Variants in RPS6KA2 observed in about 807,000 individuals in gnomAD.
RPS6KA2 encodes ribosomal protein S6 kinase A2, also known as ribosomal protein S6 kinase alpha-2.
A neutral mutation model predicts 91.8 loss-of-function variants in RPS6KA2; 42 were observed. The ratio of observed to expected loss-of-function variants is 0.46; its 90% CI spans 0.36 to 0.59. RPS6KA2 has a LOEUF of 0.59. RPS6KA2 is among the 20% of genes least tolerant of loss of function. The probability of loss-of-function intolerance (pLI) is 0.00; values close to 1 mark genes in which losing one functional copy is unlikely to be tolerated. For missense variants in RPS6KA2, 798 were observed against 978.5 expected, an observed-to-expected ratio of 0.82 and a Z score of 2.46; for synonymous variants, 414 against 393.6, an observed-to-expected ratio of 1.05 and a Z score of -0.61.
chr6:166,570,612 A>G (rs191199243), intron 1 of RPS6KA2, among the ~76,000 whole-genome samples: 189 of 152,356 alleles, frequency 1.2e-3, no homozygotes, highest in Non-Finnish European at 2.0e-3. Flanking sequence ...AAACTAAAAT[A>G]AATACAGCAG....
chr6:166,594,826 A>C (rs1485559250), intron 1 of RPS6KA2, among the ~76,000 whole-genome samples: 1 of 152,222 alleles, frequency 6.6e-6, no homozygotes, highest in Non-Finnish European at 1.5e-5. Flanking sequence ...TTCTGCTATA[A>C]GGTTCTCAGA....
At chr6:166,804,169 G>A (rs896067541) in intron 2 of RPS6KA2, among the ~76,000 whole-genome samples, 6 of 115,616 alleles carry the variant, frequency 5.2e-5, no homozygotes, top group Admixed American at 3.7e-4. Context: ...ATGTAAATTA[G>A]TAAAAAAAAA....
At chr6:166,524,144 C>T (rs1782948371) in intron 3 of RPS6KA2, among the ~76,000 whole-genome samples, 1 of 152,202 alleles carries the variant, frequency 6.6e-6, no homozygotes, top group Non-Finnish European at 1.5e-5. Context: ...ACTTGACTTG[C>T]TTCAACAGAG....
chr6:166,797,961 G>GA (rs780553039), intron 2 of RPS6KA2, among the ~76,000 whole-genome samples: 9 of 151,982 alleles, frequency 5.9e-5, no homozygotes, highest in African/African-American at 1.5e-4. Context: ...AGGCAAGAGT[G>GA]AAAAAAACCT....
chr6:166,504,490 G>A lies in RPS6KA2; in HGVS notation c.566+16C>T, dbSNP rs1782128427. On this transcript the variant is annotated intron_variant, in intron 6 of 20. Transcript: ENST00000265678. ...GATGGGCGTGGGGAAGTCAGCCCTA[G>A]TTTTTTCTCACTTACTTCTCAGGCT... 6.4e-7 allele frequency: 1 copy of A among 1,551,256 alleles called. No homozygotes were observed. Among genetic ancestry groups the A allele is most frequent in the African/African-American group, 1.4e-5 (1 of 72,916 alleles).
chr6:166,440,373 G>A (rs1051764261), intron 14 of RPS6KA2: 4 of 152,196 alleles, frequency 2.6e-5, no homozygotes, highest in African/African-American at 9.7e-5. Flanking sequence ...AAAACCATAA[G>A]CCAATCACAT....
Position 166,579,631 on chromosome 6 carries a change from G to A in RPS6KA2, c.100-40847C>T, listed in dbSNP as rs986179097. 2.0e-5 allele frequency among the ~76,000 whole-genome samples: 3 copies of A among 152,216 alleles called. No individual in the cohort carries two copies. The East Asian group carries it at 5.8e-4, about 29-fold the overall frequency. On this transcript the variant is annotated intron_variant, in intron 1 of 20. Coordinates refer to ENST00000265678, the MANE Select transcript of RPS6KA2 (RefSeq NM_021135.6). ...ATGAAACTGGTGTATTCAAGATTCA[G>A]GCCATTAGGAAACGCCATGTGTCAT...
chr6:166,658,726 G>A (rs916097292), intron 2 of RPS6KA2, among the ~76,000 whole-genome samples: 8 of 152,156 alleles, frequency 5.3e-5, no homozygotes, highest in Non-Finnish European at 1.2e-4. Context: ...GGTTTGTGGT[G>A]TTGAAGTTGG....
intron 1 of RPS6KA2, among the ~76,000 whole-genome samples, chr6:166,861,793 C>T (rs984479305): frequency 6.6e-6 from 1 of 152,194 alleles, no homozygotes; most frequent in Non-Finnish European, 1.5e-5. Flanking sequence ...AGTTTGGAAA[C>T]GGGAATACTT....
intron 1 of RPS6KA2, among the ~76,000 whole-genome samples, chr6:166,570,680 TA>T (rs761765297): frequency 8.5e-5 from 13 of 152,208 alleles, no homozygotes; most frequent in Non-Finnish European, 1.6e-4. Context: ...TCCATGCTTA[TA>T]AATCAAAATT....
At chr6:166,647,330 G>A (rs1472622525) in intron 2 of RPS6KA2, among the ~76,000 whole-genome samples, 2 of 152,034 alleles carry the variant, frequency 1.3e-5, no homozygotes, top group East Asian at 3.9e-4. Context: ...CGCCCGCCTC[G>A]TCCCCATGGC....
intron 11 of RPS6KA2, among the ~76,000 whole-genome samples, chr6:166,468,664 T>C (rs745414576): frequency 1.3e-4 from 19 of 151,668 alleles, no homozygotes; most frequent in Non-Finnish European, 2.4e-4. Context: ...GAGATCGAGA[T>C]CATCCTGGCT....
intron 1 of RPS6KA2, among the ~76,000 whole-genome samples, chr6:166,579,693 C>T (rs929879991): frequency 2.7e-4 from 41 of 152,140 alleles, no homozygotes; most frequent in African/African-American, 8.7e-4. Flanking sequence ...AAGTGTCAAC[C>T]GCTCCTTTGG....
intron 2 of RPS6KA2, among the ~76,000 whole-genome samples, chr6:166,722,115 T>G (rs1194850199): frequency 6.6e-6 from 1 of 152,200 alleles, no homozygotes; most frequent in African/African-American, 2.4e-5. Flanking sequence ...ATAAGCAGAA[T>G]AACTCAGTAG....
chr6:166,721,836 TGCCAGC>T (rs1790184194), intron 2 of RPS6KA2, among the ~76,000 whole-genome samples: 2 of 151,160 alleles, frequency 1.3e-5, no homozygotes, highest in Non-Finnish European at 3.0e-5. Flanking sequence ...GAGGAGCCGG[TGCCAGC>T]TCAGAGGAGG....
chr6:166,559,391 C>T (rs942232640), intron 1 of RPS6KA2, among the ~76,000 whole-genome samples: 1 of 152,184 alleles, frequency 6.6e-6, no homozygotes, highest in Non-Finnish European at 1.5e-5. Context: ...CAAGTGTGCA[C>T]CAGCCAAACA....
chr6:166,502,035 T>C (rs1476098051), intron 6 of RPS6KA2, among the ~76,000 whole-genome samples: 1 of 152,042 alleles, frequency 6.6e-6, no homozygotes, highest in African/African-American at 2.4e-5. Context: ...GTCACAGAGA[T>C]GGAAAGTGGA....
intron 2 of RPS6KA2, among the ~76,000 whole-genome samples, chr6:166,697,695 G>A (rs906755360): frequency 1.3e-5 from 2 of 152,194 alleles, no homozygotes; most frequent in African/African-American, 4.8e-5. Flanking sequence ...GATCCCAGAA[G>A]GGAGGCTAAT....
intron 13 of RPS6KA2, 56 bp downstream of exon 13, chr6:166,451,047 C>T (rs1435473770): frequency 1.9e-6 from 3 of 1,605,816 alleles, no homozygotes; most frequent in Non-Finnish European, 2.6e-6. Flanking sequence ...ACACCAGAGT[C>T]ACCCATCATC....
Sources: allele counts gnomAD v4.1 joint callset (sites outside exome capture counted in the v4.1 genomes callset), GRCh38; gene constraint gnomAD v4.1.1; transcripts MANE v1.5; gene names NCBI Gene and HGNC (gene_info 2026-07-23, HGNC 2026-07-21).